Variants in CCKBR observed in about 807,000 individuals in gnomAD.
CCKBR encodes gastrin/cholecystokinin type B receptor.
A neutral mutation model predicts 34.6 loss-of-function variants in CCKBR; 33 were observed. The ratio of observed to expected loss-of-function variants is 0.95; its 90% CI spans 0.72 to 1.27. CCKBR has a LOEUF of 1.27. Among genes scored for constraint, CCKBR ranks in the 50% most tolerant of loss-of-function variants. The probability of loss-of-function intolerance (pLI) is 0.00; values close to 1 mark genes in which losing one functional copy is unlikely to be tolerated. For synonymous variants in CCKBR, 269 were observed against 267.5 expected (o/e 1.01, Z -0.06); for missense variants, 652 against 617.4 (o/e 1.06, Z -0.59).
chr11:6,267,632 A>G (rs1006109932), intron 1 of CCKBR, among the ~76,000 whole-genome samples: 2 of 152,230 alleles, frequency 1.3e-5, no homozygotes, highest in African/African-American at 4.8e-5. Flanking sequence ...ATAATGTAGT[A>G]AATACATCAA....
At chr11:6,264,135 C>A (rs1848176333) in intron 1 of CCKBR, among the ~76,000 whole-genome samples, 1 of 152,226 alleles carries the variant, frequency 6.6e-6, no homozygotes, top group African/African-American at 2.4e-5. Context: ...TACCCATATA[C>A]TATTTCAAAG....
Position 6,271,164 on chromosome 11 carries a change from A to G in CCKBR, c.965A>G (p.Gln322Arg), listed in dbSNP as rs151322840. The G allele has an allele frequency of 1.9e-6, 3 of 1,613,846 alleles. No individual in the cohort carries two copies. Among genetic ancestry groups the G allele is most frequent in the African/African-American group, 2.7e-5 (2 of 74,854 alleles). Residue 322 changes from glutamine (Q) to arginine (R), a missense_variant, in exon 5 of 5, where the codon CAG (glutamine) becomes CGG (arginine). Transcript: ENST00000334619. ...CCGGGATCCGGCTCCCGGCCCACCC[A>G]GGCCAAGCTGCTGGCTAAGAAGCGC... ...PGPGSGSRPT[Q>R]AKLLAKKRVV...
chr11:6,270,607 T>G, intron 3 of CCKBR, 39 bp from the exon 4 acceptor site: 1 of 1,557,202 alleles, frequency 6.4e-7, no homozygotes, highest in Non-Finnish European at 8.7e-7. Flanking sequence ...TGATTACAGC[T>G]GGACAGAAAC....
intron 1 of CCKBR, among the ~76,000 whole-genome samples, chr11:6,268,666 G>C (rs543932277): frequency 6.6e-6 from 1 of 152,266 alleles, no homozygotes; most frequent in East Asian, 1.9e-4. Context: ...TCATCTCTTT[G>C]TCCCCAGTGC....
intron 1 of CCKBR, among the ~76,000 whole-genome samples, chr11:6,267,816 T>C (rs1848231095): frequency 6.6e-6 from 1 of 152,180 alleles, no homozygotes; most frequent in African/African-American, 2.4e-5. Context: ...ATAGAAACTT[T>C]TCAGCTCCAT....
In CCKBR at chr11:6,261,454, A is replaced by AAAAATAT. The variant is rs1447691939; in HGVS notation, c.151+1376_151+1377insAAATATA. 6.9e-4 allele frequency among the ~76,000 whole-genome samples: 42 copies of AAAAATAT among 60,874 alleles called. 1 individual carries two copies. The highest frequency in any genetic ancestry group is 2.4e-3 in the East Asian group (4 of 1,680). The allele number at this position is 60,874 out of a possible 152,430, so 39.9% of individuals were successfully genotyped here. A position where few individuals can be genotyped will look rare whatever the true frequency, so the allele number is the denominator to read the frequency against. On this transcript the variant is annotated intron_variant, in intron 1 of 4. Coordinates refer to ENST00000334619, the MANE Select transcript of CCKBR (RefSeq NM_176875.4). The stretch of plus-strand genomic sequence containing the variant: ...GTTGGCAAAAAAAAAAAAAAAAAAA[A>AAAAATAT]ATATATATACACACACACACACACA...
chr11:6,265,171 T>C (rs1848193096), intron 1 of CCKBR, among the ~76,000 whole-genome samples: 1 of 152,224 alleles, frequency 6.6e-6, no homozygotes, highest in Admixed American at 6.5e-5. Flanking sequence ...TTCTGAACTG[T>C]TCAACAGCAA....
Position 6,269,942 on chromosome 11 carries a change from C to T in CCKBR, c.403+22C>T, listed in dbSNP as rs761050844. 10 of 1,612,088 alleles carry T rather than the reference C, an allele frequency of 6.2e-6. No homozygotes were observed. The South Asian group carries it at 7.7e-5, about 12-fold the overall frequency. On this transcript the variant is annotated intron_variant, in intron 2 of 4. Coordinates refer to ENST00000334619, the MANE Select transcript of CCKBR (RefSeq NM_176875.4). ...ATGGGTGGGTGAGACAACCACCCCA[C>T]CCCCACTTGCCACTCTCCCCGCCTA...
At chr11:6,269,593 G>T (rs1183561423) in intron 1 of CCKBR, 76 bp from the exon 2 acceptor site, 1 of 1,537,414 alleles carries the variant, frequency 6.5e-7, no homozygotes, top group Non-Finnish European at 8.8e-7. Context: ...TGAGGGTTGG[G>T]GATAAGACGG....
chr11:6,259,887 C>T lies in CCKBR; in HGVS notation c.-42C>T. 1.4e-6 allele frequency: 2 copies of T among 1,389,934 alleles called. No individual in the cohort carries two copies. The highest frequency in any genetic ancestry group is 2.6e-4 in the Middle Eastern group (1 of 3,844). 86.1% of individuals were successfully genotyped at this position (1,389,934 alleles called of 1,614,324 possible). ...AGCAGGTGGAGCCGCGTTGGGAGCC[C>T]GCCGGGTCGAGCTGAGTAAGGCGGC... is the stretch of plus-strand genomic sequence containing the variant. On this transcript the variant is annotated 5_prime_UTR_variant, in exon 1 of 5. Transcript: ENST00000334619.
intron 1 of CCKBR, among the ~76,000 whole-genome samples, chr11:6,262,300 A>G (rs1298061292): frequency 2.0e-5 from 3 of 152,184 alleles, no homozygotes; most frequent in Admixed American, 6.5e-5. Flanking sequence ...AAAATTTTGT[A>G]TAGAATGAGA....
At chr11:6,260,104 C>CA (rs1848107044) in intron 1 of CCKBR, 25 bp downstream of exon 1, 7 of 1,567,420 alleles carry the variant, frequency 4.5e-6, no homozygotes, top group South Asian at 1.1e-5. Context: ...CAGCCCCCCC[C>CA]ACAAGCTATT....
intron 3 of CCKBR, 148 bp downstream of exon 3, chr11:6,270,485 G>T: frequency 7.2e-7 from 1 of 1,397,778 alleles, no homozygotes; most frequent in Non-Finnish European, 9.7e-7. Flanking sequence ...TCCAGTTTGG[G>T]GCCCCTCCCC....
At chr11:6,266,986 T>C (rs995336397) in intron 1 of CCKBR, among the ~76,000 whole-genome samples, 2 of 152,144 alleles carry the variant, frequency 1.3e-5, no homozygotes, top group Non-Finnish European at 2.9e-5. Flanking sequence ...TATCTAAACA[T>C]AGAAAAGGTA....
At position 6,259,975 on chromosome 11, in the gene CCKBR, G is replaced by A. The variant is rs762737826; in HGVS notation, c.47G>A (p.Gly16Glu). Residue 16 changes from glycine to glutamate, a missense_variant, in exon 1 of 5, where the codon GGG (glycine) becomes GAG (glutamate). By Grantham distance (98) the Gly-to-Glu change is moderately conservative (BLOSUM62 -2). Transcript: ENST00000334619. ...CGGAGCGTGCAGGGAACCGGACCCGGGCCGGGGGCTTCCCTGTGCCGCCCG... is the reference window on the plus strand; with the variant it reads ...CGGAGCGTGCAGGGAACCGGACCCGAGCCGGGGGCTTCCCTGTGCCGCCCG... Reference protein sequence around the residue: ...LNRSVQGTGPGPGASLCRPGA... With the variant: ...LNRSVQGTGPEPGASLCRPGA... The A allele has an allele frequency of 3.2e-6, 5 of 1,560,870 alleles. No individual in the cohort carries two copies. The highest frequency in any genetic ancestry group is 1.9e-4 in the Middle Eastern group (1 of 5,358).
In CCKBR at chr11:6,270,791, G is replaced by C. The variant is rs765471840; in HGVS notation, c.799G>C (p.Gly267Arg). 67 of 1,614,074 alleles carry C rather than the reference G, an allele frequency of 4.2e-5. No individual in the cohort carries two copies. In the Admixed American group the frequency reaches 1.1e-3, roughly 26 times the overall value. Reference sequence around the variant, plus strand: ...CAGCCAAAGCAGGGTCCGAAACCAAGGCGGGCTGCCAGGTGGGGCTGGACC... The same window carrying C: ...CAGCCAAAGCAGGGTCCGAAACCAACGCGGGCTGCCAGGTGGGGCTGGACC... ...SDSQSRVRNQGGLPGAVHQNG... is the reference protein window; with the variant it reads ...SDSQSRVRNQRGLPGAVHQNG... The change falls in exon 4 of 5, where the codon GGC (glycine) becomes CGC (arginine). Residue 267 changes from glycine (G) to arginine (R), a missense_variant. Physicochemically the swap from Gly to Arg is moderately radical, Grantham distance 125 (BLOSUM62 -2). Coordinates refer to ENST00000334619, the MANE Select transcript of CCKBR (RefSeq NM_176875.4).
chr11:6,264,584 T>A, intron 1 of CCKBR: 1 of 701,018 alleles, frequency 1.4e-6, no homozygotes, highest in Middle Eastern at 2.3e-4. Flanking sequence ...GATGATGAGA[T>A]GATGCTCACG....
At chr11:6,261,462 T>TATATATATAAAC (rs764173521) in intron 1 of CCKBR, among the ~76,000 whole-genome samples, 2 of 64,004 alleles carry the variant, frequency 3.1e-5, no homozygotes, top group Non-Finnish European at 5.7e-5. Context: ...AAAATATATA[T>TATATATATAAAC]ACACACACAC....
chr11:6,260,113 T>C lies in CCKBR; in HGVS notation c.151+34T>C, dbSNP rs773837807. The C allele has an allele frequency of 6.6e-6, 10 of 1,511,316 alleles. No homozygotes were observed. In the South Asian group the frequency reaches 1.1e-4, roughly 16 times the overall value. 93.6% of individuals were successfully genotyped at this position (1,511,316 alleles called of 1,614,324 possible). A position where few individuals can be genotyped will look rare whatever the true frequency, so the allele number is the denominator to read the frequency against. On this transcript the variant is annotated intron_variant, in intron 1 of 4. Coordinates refer to ENST00000334619, the MANE Select transcript of CCKBR (RefSeq NM_176875.4). ...CTCCCTCAGCCCCCCCCACAAGCTATTTCTCACTGTACCCCAGAACACTAA... is the reference window on the plus strand; with the variant it reads ...CTCCCTCAGCCCCCCCCACAAGCTACTTCTCACTGTACCCCAGAACACTAA...
Sources: gnomAD v4.1 joint callset for allele counts (sites outside exome capture counted in the v4.1 genomes callset) on GRCh38, gnomAD v4.1.1 for gene constraint, MANE v1.5 for transcripts, NCBI Gene and HGNC (gene_info 2026-07-23, HGNC 2026-07-21) for gene names.